PAX5: variants seen among roughly 807,000 people sequenced by gnomAD.
The protein encoded by PAX5 is paired box 5, also known as paired box protein Pax-5.
A neutral mutation model predicts 43.7 loss-of-function variants in PAX5; 9 were observed. That is an observed-to-expected ratio of 0.21 (90% CI 0.12 to 0.36). The LOEUF is 0.36. Among genes scored for constraint, PAX5 ranks in the 10% least tolerant of loss-of-function variants. The probability of loss-of-function intolerance (pLI) is 1.00; values close to 1 mark genes in which losing one functional copy is unlikely to be tolerated. For synonymous variants in PAX5, 228 were observed against 214.3 expected, an observed-to-expected ratio of 1.06 and a Z score of -0.56; for missense variants, 383 against 532.7, an observed-to-expected ratio of 0.72 and a Z score of 2.77.
intron 8 of PAX5, among the ~76,000 whole-genome samples, chr9:36,866,166 G>T (rs1352491987): frequency 6.6e-6 from 1 of 152,236 alleles, no homozygotes; most frequent in African/African-American, 2.4e-5. Flanking sequence ...AAGAAGCGCG[G>T]GCGGGCCGGG....
At chr9:37,027,415 C>G (rs1230996048) in intron 1 of PAX5, among the ~76,000 whole-genome samples, 1 of 152,262 alleles carries the variant, frequency 6.6e-6, no homozygotes, top group Admixed American at 6.5e-5. Context: ...CCAACCAACT[C>G]TTCGAGCCCC....
intron 1 of PAX5, chr9:37,026,682 T>G (rs1840412170): frequency 7.5e-7 from 1 of 1,326,532 alleles, no homozygotes; most frequent in Non-Finnish European, 9.8e-7. Context: ...CTGTGCGAGC[T>G]GGGCTCAGAA....
chr9:36,942,509 G>A (rs1832131787), intron 6 of PAX5, among the ~76,000 whole-genome samples: 1 of 152,152 alleles, frequency 6.6e-6, no homozygotes, highest in Non-Finnish European at 1.5e-5. Flanking sequence ...TTTACACACA[G>A]AGTCCCCCTC....
chr9:36,936,017 T>C (rs1303490314), intron 6 of PAX5, among the ~76,000 whole-genome samples: 1 of 152,238 alleles, frequency 6.6e-6, no homozygotes, highest in Non-Finnish European at 1.5e-5. Context: ...GACTGATTCA[T>C]ACTGTTCTCA....
intron 6 of PAX5, among the ~76,000 whole-genome samples, chr9:36,947,933 C>T (rs1240589042): frequency 6.6e-6 from 1 of 152,134 alleles, no homozygotes; most frequent in East Asian, 1.9e-4. Context: ...ACCCCACCCC[C>T]GTTGCCCCTG....
intron 7 of PAX5, among the ~76,000 whole-genome samples, chr9:36,913,875 C>T (rs3906147): frequency 0.25 from 37,750 of 151,938 alleles, 5,422 homozygotes; most frequent in East Asian, 0.5. Context: ...GAGGTGGGGC[C>T]GGAAGGTTCT....
intron 9 of PAX5, among the ~76,000 whole-genome samples, chr9:36,844,660 G>A (rs1008959286): frequency 1.1e-4 from 16 of 152,150 alleles, no homozygotes; most frequent in Admixed American, 3.9e-4. Flanking sequence ...GGGACAGAGT[G>A]TGCATCTTTT....
chr9:37,001,988 G>A (rs1376844891), intron 5 of PAX5, among the ~76,000 whole-genome samples: 1 of 151,968 alleles, frequency 6.6e-6, no homozygotes, highest in Non-Finnish European at 1.5e-5. Context: ...TGGAGACCCA[G>A]GCACCACAGG....
At chr9:36,850,978 G>A (rs1372922960) in intron 8 of PAX5, among the ~76,000 whole-genome samples, 1 of 152,230 alleles carries the variant, frequency 6.6e-6, no homozygotes, top group East Asian at 1.9e-4. Context: ...GGGGGCAGAA[G>A]GCAGGTGGGC....
intron 9 of PAX5, among the ~76,000 whole-genome samples, chr9:36,846,568 C>T (rs1210878792): frequency 6.6e-6 from 1 of 152,248 alleles, no homozygotes; most frequent in Admixed American, 6.5e-5. Context: ...TCCTCTTTCT[C>T]CTTCAATGCC....
At chr9:36,975,655 G>A (rs1160887238) in intron 5 of PAX5, among the ~76,000 whole-genome samples, 1 of 152,194 alleles carries the variant, frequency 6.6e-6, no homozygotes, top group Non-Finnish European at 1.5e-5. Context: ...AAAGTGCTGG[G>A]ATTACGGGTG....
intron 5 of PAX5, among the ~76,000 whole-genome samples, chr9:36,990,067 G>A (rs1277762748): frequency 6.6e-6 from 1 of 152,168 alleles, no homozygotes; most frequent in Non-Finnish European, 1.5e-5. Context: ...GCTAGATCCT[G>A]AAGTTTGGGA....
intron 7 of PAX5, among the ~76,000 whole-genome samples, chr9:36,916,383 A>G (rs1005882375): frequency 2.0e-5 from 3 of 152,108 alleles, no homozygotes; most frequent in Non-Finnish European, 4.4e-5. Flanking sequence ...TAAGACTTTT[A>G]CTCATTTCTC....
At chr9:36,869,829 T>TGG (rs1204135434) in intron 8 of PAX5, among the ~76,000 whole-genome samples, 27 of 149,924 alleles carry the variant, frequency 1.8e-4, no homozygotes, top group Middle Eastern at 3.5e-3. Flanking sequence ...GATGGATGAA[T>TGG]AGATGGATGG....
intron 8 of PAX5, among the ~76,000 whole-genome samples, chr9:36,848,651 G>A: frequency 6.6e-6 from 1 of 152,162 alleles, no homozygotes; most frequent in African/African-American, 2.4e-5. Flanking sequence ...GAGCACCCGT[G>A]GACCTGCCCT....
intron 2 of PAX5, among the ~76,000 whole-genome samples, chr9:37,019,866 G>A (rs1188745768): frequency 1.3e-5 from 2 of 152,178 alleles, no homozygotes. Flanking sequence ...ATTGCAACCC[G>A]GGTACTGCCT....
intron 7 of PAX5, among the ~76,000 whole-genome samples, chr9:36,900,900 C>T (rs1298837564): frequency 7.0e-6 from 1 of 142,554 alleles, no homozygotes; most frequent in Non-Finnish European, 1.5e-5. Context: ...CCACTGGCTC[C>T]ATTATCTCCC....
chr9:36,855,199 G>A (rs540983120), intron 8 of PAX5, among the ~76,000 whole-genome samples: 1 of 152,378 alleles, frequency 6.6e-6, no homozygotes, highest in East Asian at 1.9e-4. Context: ...GGCAAGAGCT[G>A]GGGGCCTCGA....
chr9:36,875,075 G>A (rs1266855938), intron 8 of PAX5, among the ~76,000 whole-genome samples: 2 of 152,108 alleles, frequency 1.3e-5, no homozygotes, highest in East Asian at 3.9e-4. Context: ...TCAGAACCAG[G>A]GAGTCTGGCT....
Sources: allele counts gnomAD v4.1 joint callset (sites outside exome capture counted in the v4.1 genomes callset), GRCh38; gene constraint gnomAD v4.1.1; transcripts MANE v1.5; gene names NCBI Gene and HGNC (gene_info 2026-07-23, HGNC 2026-07-21).